Variants in SNTG1 observed in about 807,000 individuals in gnomAD.
SNTG1 encodes syntrophin gamma 1.
SNTG1 carries 39 observed loss-of-function variants against 74.7 expected under a neutral mutation model. That is an observed-to-expected ratio of 0.52 (90% CI 0.40 to 0.68). The LOEUF is 0.68. Ranked by LOEUF, SNTG1 falls within the 30% of genes least tolerant of loss-of-function variation. The pLI, the probability that SNTG1 is intolerant of heterozygous loss-of-function variation, is 0.00. For missense variants in SNTG1, 685 were observed against 609.5 expected, an observed-to-expected ratio of 1.12 and a Z score of -1.30; for synonymous variants, 254 against 217.1, an observed-to-expected ratio of 1.17 and a Z score of -1.49.
At chr8:50,375,598 G>A (rs1264359802) in intron 2 of SNTG1, among the ~76,000 whole-genome samples, 3 of 152,150 alleles carry the variant, frequency 2.0e-5, no homozygotes, top group African/African-American at 7.2e-5. Flanking sequence ...TACAATCCTA[G>A]CCTGTGCTTG....
At chr8:50,728,836 T>C (rs2095506145) in intron 17 of SNTG1, among the ~76,000 whole-genome samples, 1 of 152,164 alleles carries the variant, frequency 6.6e-6, no homozygotes, top group Admixed American at 6.5e-5. Context: ...CTGGGTCAAA[T>C]CTTTCACCTC....
chr8:50,583,718 T>C (rs13263870), intron 12 of SNTG1, among the ~76,000 whole-genome samples: 90,788 of 150,430 alleles, frequency 0.6, 30,037 homozygotes, highest in East Asian at 0.78. Context: ...GCTGAGCTTT[T>C]TTTTTTTTTT....
chr8:50,535,223 G>A (rs1167669066), intron 10 of SNTG1, among the ~76,000 whole-genome samples: 2 of 152,090 alleles, frequency 1.3e-5, no homozygotes, highest in Non-Finnish European at 2.9e-5. Flanking sequence ...TAGTAAGATA[G>A]AGACTACAAA....
At chr8:50,510,249 A>G (rs2094056081) in intron 9 of SNTG1, among the ~76,000 whole-genome samples, 1 of 152,184 alleles carries the variant, frequency 6.6e-6, no homozygotes, top group Non-Finnish European at 1.5e-5. Flanking sequence ...CCAGCCTTGC[A>G]TCCCAGGGAT....
intron 1 of SNTG1, among the ~76,000 whole-genome samples, chr8:50,013,815 G>A (rs777043419): frequency 2.0e-5 from 3 of 151,996 alleles, no homozygotes; most frequent in Non-Finnish European, 4.4e-5. Context: ...ATAATCATGG[G>A]CTCAGGGATT....
At chr8:50,046,469 T>G (rs541723845) in intron 1 of SNTG1, among the ~76,000 whole-genome samples, 45 of 152,340 alleles carry the variant, frequency 3.0e-4, no homozygotes, top group African/African-American at 8.9e-4. Context: ...CATATTATTT[T>G]AAATATTTAA....
chr8:50,202,293 T>C (rs2084016747), intron 2 of SNTG1, among the ~76,000 whole-genome samples: 1 of 152,162 alleles, frequency 6.6e-6, no homozygotes, highest in African/African-American at 2.4e-5. Context: ...TTACATATCA[T>C]ACAGCACAGT....
chr8:50,231,699 G>T (rs1162381605), intron 2 of SNTG1, among the ~76,000 whole-genome samples: 1 of 151,302 alleles, frequency 6.6e-6, no homozygotes, highest in Admixed American at 6.6e-5. Context: ...TAGAAAGGTG[G>T]TTACAAAGGC....
intron 17 of SNTG1, among the ~76,000 whole-genome samples, chr8:50,716,983 G>A (rs939549327): frequency 6.6e-6 from 1 of 152,032 alleles, no homozygotes; most frequent in Non-Finnish European, 1.5e-5. Flanking sequence ...TGATCCGCCT[G>A]CCTCAGCCTC....
chr8:50,556,541 A>G (rs890090749), intron 12 of SNTG1, among the ~76,000 whole-genome samples: 2 of 152,248 alleles, frequency 1.3e-5, no homozygotes, highest in Non-Finnish European at 2.9e-5. Context: ...TTCACCAGCT[A>G]TATGAACAAG....
At chr8:49,961,802 C>A (rs1274372411) in intron 1 of SNTG1, among the ~76,000 whole-genome samples, 3 of 152,166 alleles carry the variant, frequency 2.0e-5, no homozygotes, top group African/African-American at 7.2e-5. Context: ...ACTCCTGTCA[C>A]CCTTTTCTAA....
chr8:50,282,853 C>T (rs550374015), intron 2 of SNTG1, among the ~76,000 whole-genome samples: 24 of 152,250 alleles, frequency 1.6e-4, no homozygotes, highest in African/African-American at 5.1e-4. Context: ...ACATTCCATC[C>T]AATCCTTGGT....
chr8:50,754,740 T>G (rs1345978242), intron 18 of SNTG1, among the ~76,000 whole-genome samples: 1 of 151,912 alleles, frequency 6.6e-6, no homozygotes, highest in Non-Finnish European at 1.5e-5. Flanking sequence ...TTAATTTTTT[T>G]GAGATAATAT....
chr8:50,210,627 TA>T (rs1279878063), intron 2 of SNTG1, among the ~76,000 whole-genome samples: 11 of 152,166 alleles, frequency 7.2e-5, no homozygotes, highest in Admixed American at 6.5e-5. Context: ...CCAGCCAAAC[TA>T]AGCTTCATAA....
At chr8:50,618,604 T>C (rs1273095127) in intron 13 of SNTG1, among the ~76,000 whole-genome samples, 1 of 152,184 alleles carries the variant, frequency 6.6e-6, no homozygotes, top group Non-Finnish European at 1.5e-5. Context: ...AAGGCTGCAA[T>C]CAAGTTGTTT....
intron 2 of SNTG1, among the ~76,000 whole-genome samples, chr8:50,235,406 G>T (rs1352789767): frequency 1.3e-5 from 2 of 152,036 alleles, no homozygotes; most frequent in African/African-American, 2.4e-5. Context: ...CTCATAAATA[G>T]AATTAATCAT....
chr8:50,112,305 G>A (rs203622), intron 1 of SNTG1, among the ~76,000 whole-genome samples: 131,604 of 151,956 alleles, frequency 0.87, 57,119 homozygotes, highest in East Asian at 0.97. Context: ...TCAGGCATAC[G>A]TGGATGACTT....
chr8:50,091,858 T>C (rs1303773375), intron 1 of SNTG1, among the ~76,000 whole-genome samples: 1 of 152,014 alleles, frequency 6.6e-6, no homozygotes, highest in Non-Finnish European at 1.5e-5. Flanking sequence ...TCTGTAGAAG[T>C]CCCACATAAT....
At chr8:50,389,672 A>G (rs1436407248) in intron 2 of SNTG1, among the ~76,000 whole-genome samples, 3 of 152,214 alleles carry the variant, frequency 2.0e-5, no homozygotes, top group Non-Finnish European at 4.4e-5. Flanking sequence ...GTCTTCCACA[A>G]TGGTTGAACT....
Sources: allele counts gnomAD v4.1 joint callset (sites outside exome capture counted in the v4.1 genomes callset), GRCh38; gene constraint gnomAD v4.1.1; transcripts MANE v1.5; gene names NCBI Gene and HGNC (gene_info 2026-07-23, HGNC 2026-07-21).